Variants in P3H2 observed in about 807,000 individuals in gnomAD.
P3H2 encodes prolyl 3-hydroxylase 2.
In P3H2, 80 loss-of-function variants were observed where a neutral mutation model predicts 87.0. The ratio of observed to expected loss-of-function variants is 0.92; its 90% CI spans 0.77 to 1.11. The LOEUF is 1.11. Ranked by LOEUF, P3H2 falls within the 50% of genes least tolerant of loss-of-function variation. The pLI is 0.00. For missense variants in P3H2, 1,001 were observed against 923.9 expected, an observed-to-expected ratio of 1.08 and a Z score of -1.08; for synonymous variants, 367 against 359.3, an observed-to-expected ratio of 1.02 and a Z score of -0.24.
intron 1 of P3H2, among the ~76,000 whole-genome samples, chr3:190,013,439 C>G (rs929392320): frequency 1.3e-5 from 2 of 152,174 alleles, no homozygotes; most frequent in African/African-American, 4.8e-5. Context: ...AGTTGAAGAT[C>G]TGTTAGCAAA....
chr3:190,122,080 CAAAAACAAA>C (rs1712629066), upstream of P3H2: 1 of 105,950 alleles, frequency 9.4e-6, no homozygotes, highest in Non-Finnish European at 1.9e-5. Context: ...GACTCCGTCT[CAAAAACAAA>C]AAAAACAAAG....
chr3:190,118,340 C>T (rs1410314232), intron 1 of P3H2, among the ~76,000 whole-genome samples: 3 of 151,984 alleles, frequency 2.0e-5, no homozygotes, highest in African/African-American at 4.8e-5. Context: ...GCTAACCTTA[C>T]ATCCGAGACT....
At chr3:189,993,559 T>C (rs1723947040) in intron 3 of P3H2, among the ~76,000 whole-genome samples, 1 of 152,110 alleles carries the variant, frequency 6.6e-6, no homozygotes, top group African/African-American at 2.4e-5. Context: ...TTGTAATATA[T>C]TAAATTCTTA....
chr3:189,980,611 G>T (rs545429505), intron 8 of P3H2, among the ~76,000 whole-genome samples: 2 of 152,098 alleles, frequency 1.3e-5, no homozygotes, highest in Non-Finnish European at 2.9e-5. Flanking sequence ...TGGAAACTTT[G>T]TATCTATCTA....
chr3:190,072,925 G>T (rs1225692891), intron 1 of P3H2, among the ~76,000 whole-genome samples: 1 of 152,066 alleles, frequency 6.6e-6, no homozygotes, highest in African/African-American at 2.4e-5. Context: ...TATCTACCAT[G>T]AACATAAATT....
chr3:190,028,334 T>G (rs1725147402), intron 1 of P3H2, among the ~76,000 whole-genome samples: 1 of 152,154 alleles, frequency 6.6e-6, no homozygotes, highest in Admixed American at 6.5e-5. Flanking sequence ...TGACTGATAT[T>G]CCCCTCAAGC....
At chr3:190,015,057 C>A (rs764203797) in intron 1 of P3H2, among the ~76,000 whole-genome samples, 10 of 152,184 alleles carry the variant, frequency 6.6e-5, no homozygotes, top group Non-Finnish European at 1.2e-4. Flanking sequence ...CACTCTGACA[C>A]TGAGGATGGA....
At chr3:190,042,459 T>C (rs1560375869) in intron 1 of P3H2, among the ~76,000 whole-genome samples, 1 of 148,698 alleles carries the variant, frequency 6.7e-6, no homozygotes, top group Non-Finnish European at 1.5e-5. Flanking sequence ...TGTGTGTGTA[T>C]GTAGAATCTG....
At chr3:189,995,987 G>T (rs1168256246) in intron 1 of P3H2, among the ~76,000 whole-genome samples, 1 of 152,088 alleles carries the variant, frequency 6.6e-6, no homozygotes, top group Non-Finnish European at 1.5e-5. Flanking sequence ...TGGAGAAAAG[G>T]GCACCCTTAT....
intron 1 of P3H2, among the ~76,000 whole-genome samples, chr3:190,034,792 T>A (rs1725364927): frequency 6.6e-6 from 1 of 152,182 alleles, no homozygotes; most frequent in African/African-American, 2.4e-5. Context: ...TTAAATTACA[T>A]TAAATAATTT....
rs185185874 is a variant in P3H2 at position 189,994,951 on chromosome 3, C to T, written c.633+339G>A. Among the ~76,000 whole-genome samples, 48 of 151,942 alleles carry T rather than the reference C, an allele frequency of 3.2e-4. No homozygotes were observed. In the East Asian group the frequency reaches 7.9e-3, roughly 25 times the overall value. On this transcript the variant is annotated intron_variant, in intron 2 of 14. Coordinates refer to ENST00000319332, the MANE Select transcript of P3H2 (RefSeq NM_018192.4). ...CCTCCTAGGTATAAAATAAGAGTAT[C>T]AGAAAGGTTCAGAGAGGATTATAGA...
intron 1 of P3H2, among the ~76,000 whole-genome samples, chr3:190,105,982 T>C (rs1210784124): frequency 6.6e-6 from 1 of 152,240 alleles, no homozygotes; most frequent in Non-Finnish European, 1.5e-5. Flanking sequence ...TTGGTGTCTA[T>C]GATGAAGAAA....
At chr3:190,115,175 T>C (rs190705196) in intron 1 of P3H2, among the ~76,000 whole-genome samples, 2 of 152,314 alleles carry the variant, frequency 1.3e-5, no homozygotes, top group African/African-American at 4.8e-5. Context: ...CTTTTAATCC[T>C]AATCAAATAG....
Position 189,957,700 on chromosome 3 carries a change from A to AAGAGAGAGAGAGAGAGAGAG in P3H2, c.*192_*211dup, listed in dbSNP as rs3062112. Reference sequence around the variant, plus strand: ...AACATGGTTAGACCATGTCTCTAAGAAGAGAGAGAGAGAGAGAGAGAGAGA... The same window carrying AAGAGAGAGAGAGAGAGAGAG: ...AACATGGTTAGACCATGTCTCTAAGAAGAGAGAGAGAGAGAGAGAGAGAGAGAGAGAGAGAGAGAGAGAGA... On this transcript the variant is annotated 3_prime_UTR_variant, in exon 15 of 15. Transcript: ENST00000319332. The AAGAGAGAGAGAGAGAGAGAG allele has an allele frequency of 3.1e-5, 17 of 543,280 alleles. No homozygotes were observed. The highest frequency in any genetic ancestry group is 7.8e-5 in the African/African-American group (4 of 51,266). 33.7% of individuals were successfully genotyped at this position (543,280 alleles called of 1,614,324 possible).
Sources: gnomAD v4.1 joint callset for allele counts (sites outside exome capture counted in the v4.1 genomes callset) on GRCh38, gnomAD v4.1.1 for gene constraint, MANE v1.5 for transcripts, NCBI Gene and HGNC (gene_info 2026-07-23, HGNC 2026-07-21) for gene names.